STAU1: variants seen among roughly 807,000 people sequenced by gnomAD.
STAU1 encodes double-stranded RNA-binding protein Staufen homolog 1.
A neutral mutation model predicts 62.9 loss-of-function variants in STAU1; 13 were observed. The observed-to-expected ratio is 0.21, with a 90% CI of 0.13 to 0.33. STAU1 has a LOEUF of 0.33. STAU1 is among the 10% of genes least tolerant of loss of function. STAU1 has a pLI of 1.00. For missense variants in STAU1, 571 were observed against 712.1 expected, an observed-to-expected ratio of 0.80 and a Z score of 2.25; for synonymous variants, 269 against 265.1, an observed-to-expected ratio of 1.01 and a Z score of -0.14.
At chr20:49,147,333 T>C (rs1008349222) in intron 5 of STAU1, among the ~76,000 whole-genome samples, 2 of 152,212 alleles carry the variant, frequency 1.3e-5, no homozygotes, top group Admixed American at 1.3e-4. Flanking sequence ...GCACAGCGCC[T>C]GGCATGGAGG....
intron 1 of STAU1, among the ~76,000 whole-genome samples, chr20:49,180,431 C>G (rs2093710989): frequency 6.6e-6 from 1 of 151,942 alleles, no homozygotes; most frequent in Non-Finnish European, 1.5e-5. Context: ...TCAAGCCATT[C>G]TCCTGCCTCA....
At chr20:49,197,889 T>C in the STAU1 span, among the ~76,000 whole-genome samples, 2 of 151,496 alleles carry the variant, frequency 1.3e-5, no homozygotes, top group Non-Finnish European at 2.9e-5. Context: ...TTAATTCTTA[T>C]TAGAGACAAG....
At chr20:49,170,004 T>C (rs2093576590) in intron 2 of STAU1, among the ~76,000 whole-genome samples, 1 of 152,238 alleles carries the variant, frequency 6.6e-6, no homozygotes, top group African/African-American at 2.4e-5. Context: ...GGCTGGCAGT[T>C]ACCGTTTTAC....
chr20:49,166,316 G>T, intron 2 of STAU1, 31 bp from the exon 3 acceptor site: 1 of 911,238 alleles, frequency 1.1e-6, no homozygotes, highest in Non-Finnish European at 1.6e-6. Flanking sequence ...AAAATAAAAA[G>T]GTAAATTATA....
the STAU1 span, among the ~76,000 whole-genome samples, chr20:49,200,288 C>G: frequency 6.6e-6 from 1 of 152,076 alleles, no homozygotes; most frequent in Admixed American, 6.6e-5. Flanking sequence ...AAAATGGAAT[C>G]CAACTCAGTA....
chr20:49,205,792 A>C, the STAU1 span, among the ~76,000 whole-genome samples: 3 of 148,316 alleles, frequency 2.0e-5, no homozygotes, highest in East Asian at 6.0e-4. Flanking sequence ...CTCCTGCCTC[A>C]GCCTCCCGAG....
chr20:49,130,017 T>C (rs1347413580), intron 6 of STAU1, among the ~76,000 whole-genome samples: 1 of 152,158 alleles, frequency 6.6e-6, no homozygotes, highest in Non-Finnish European at 1.5e-5. Context: ...TCTCCACAGA[T>C]GTATATAAAT....
the STAU1 span, among the ~76,000 whole-genome samples, chr20:49,203,102 A>T: frequency 6.6e-6 from 1 of 152,064 alleles, no homozygotes; most frequent in Non-Finnish European, 1.5e-5. Flanking sequence ...AAGTAAGTGT[A>T]AGAAAATAAA....
At chr20:49,153,773 AG>A (rs1307743827) in intron 4 of STAU1, among the ~76,000 whole-genome samples, 159 bp downstream of exon 4, 1 of 145,456 alleles carries the variant, frequency 6.9e-6, no homozygotes, top group Non-Finnish European at 1.5e-5. Flanking sequence ...AAGGCGGGGG[AG>A]GGGCACAAAG....
At chr20:49,141,467 T>G (rs2093006033) in intron 5 of STAU1, among the ~76,000 whole-genome samples, 1 of 152,204 alleles carries the variant, frequency 6.6e-6, no homozygotes, top group South Asian at 2.1e-4. Flanking sequence ...GGAGTGTGCC[T>G]ATAGTCCCAG....
At chr20:49,191,650 G>C (rs1600934070), upstream of STAU1, among the ~76,000 whole-genome samples, 1 of 152,160 alleles carries the variant, frequency 6.6e-6, no homozygotes, top group Admixed American at 6.6e-5. Flanking sequence ...AGGAGAACAA[G>C]GTTGAGAACT....
At chr20:49,168,269 C>G (rs1357785548) in intron 2 of STAU1, among the ~76,000 whole-genome samples, 1 of 151,928 alleles carries the variant, frequency 6.6e-6, no homozygotes, top group Non-Finnish European at 1.5e-5. Flanking sequence ...TTAGCAGAGA[C>G]AGCATTTCGC....
chr20:49,165,290 G>A (rs1209183876), intron 3 of STAU1, among the ~76,000 whole-genome samples: 1 of 151,174 alleles, frequency 6.6e-6, no homozygotes, highest in Non-Finnish European at 1.5e-5. Context: ...TGATCTGCCC[G>A]CCTTGGCCTC....
At chr20:49,171,630 G>A (rs2093598348) in intron 2 of STAU1, among the ~76,000 whole-genome samples, 1 of 152,074 alleles carries the variant, frequency 6.6e-6, no homozygotes, top group African/African-American at 2.4e-5. Flanking sequence ...CATCTTTCTT[G>A]CTGCAATATG....
rs1247146942 is a variant in STAU1 at position 49,114,221 on chromosome 20, C to G, written c.*657G>C. ...CAAGTTTCCAAACTGTGCTATTTAA[C>G]TAGATACAATTGAGAAATTCTCAAA... On this transcript the variant is annotated 3_prime_UTR_variant, in exon 14 of 14. Transcript: ENST00000371856. 1 of 152,582 alleles carries G rather than the reference C, an allele frequency of 6.6e-6. No homozygotes were observed. The highest frequency in any genetic ancestry group is 1.5e-5 in the Non-Finnish European group (1 of 68,050). The allele number at this position is 152,582 out of a possible 1,614,324, so 9.5% of individuals were successfully genotyped here.
At position 49,125,209 on chromosome 20, in the gene STAU1, A is replaced by AC. The variant is rs1435752614; in HGVS notation, c.610-623_610-622insG. Among the ~76,000 whole-genome samples the AC allele has an allele frequency of 2.8e-4, 40 of 144,626 alleles. 2 individuals are homozygous for AC. Among genetic ancestry groups the AC allele is most frequent in the African/African-American group, 9.7e-4 (38 of 39,334 alleles). 94.9% of individuals were successfully genotyped at this position (144,626 alleles called of 152,430 possible). A position where few individuals can be genotyped will look rare whatever the true frequency, so the allele number is the denominator to read the frequency against. On this transcript the variant is annotated intron_variant, in intron 6 of 13. Coordinates refer to ENST00000371856, the MANE Select transcript of STAU1 (RefSeq NM_017453.4). The stretch of plus-strand genomic sequence containing the variant: ...TAAGCTCATTTTTGCAAAAAAAAAA[A>AC]AAAAAAAAAAAAAAACGAAGGATAA...
intron 5 of STAU1, among the ~76,000 whole-genome samples, chr20:49,143,012 G>C (rs1254259497): frequency 6.6e-6 from 1 of 151,940 alleles, no homozygotes; most frequent in Non-Finnish European, 1.5e-5. Flanking sequence ...TCTTGTCCAG[G>C]ATGGTCTCAA....
At position 49,181,763 on chromosome 20, in the gene STAU1, C is replaced by CAAAAAAAAAAAAAAAAAAAAAAAAAA. The variant is rs1309573018; in HGVS notation, c.-160+6352_-160+6353insTTTTTTTTTTTTTTTTTTTTTTTTTT. Among the ~76,000 whole-genome samples the CAAAAAAAAAAAAAAAAAAAAAAAAAA allele has an allele frequency of 6.0e-5, 4 of 66,702 alleles. 2 individuals are homozygous for CAAAAAAAAAAAAAAAAAAAAAAAAAA. The highest frequency in any genetic ancestry group is 1.2e-4 in the African/African-American group (2 of 16,974). 43.8% of individuals were successfully genotyped at this position (66,702 alleles called of 152,430 possible). ...CCTGGGCAACAGAGCAAGACTATCT[C>CAAAAAAAAAAAAAAAAAAAAAAAAAA]AACAAAAAAAAAAAAAAAAAAAAAA... On this transcript the variant is annotated intron_variant, in intron 1 of 13. Coordinates refer to ENST00000371856, the MANE Select transcript of STAU1 (RefSeq NM_017453.4).
intron 5 of STAU1, among the ~76,000 whole-genome samples, chr20:49,143,161 G>C (rs533838122): frequency 6.6e-6 from 1 of 152,216 alleles, no homozygotes; most frequent in Non-Finnish European, 1.5e-5. Flanking sequence ...GCAGCAAATG[G>C]TTCAAAACTA....
Sources: gnomAD v4.1 joint callset for allele counts (sites outside exome capture counted in the v4.1 genomes callset) on GRCh38, gnomAD v4.1.1 for gene constraint, MANE v1.5 for transcripts, NCBI Gene and HGNC (gene_info 2026-07-23, HGNC 2026-07-21) for gene names.